TMEM45A: variants seen among roughly 807,000 people sequenced by gnomAD.
TMEM45A encodes the protein transmembrane protein 45A.
TMEM45A carries 25 observed loss-of-function variants against 32.0 expected under a neutral mutation model. That is an observed-to-expected ratio of 0.78 (90% CI 0.57 to 1.09). TMEM45A has a LOEUF of 1.09. TMEM45A is among the 50% of genes least tolerant of loss of function. The pLI, the probability that TMEM45A is intolerant of heterozygous loss-of-function variation, is 0.00. For missense variants in TMEM45A, 302 were observed against 325.0 expected, an observed-to-expected ratio of 0.93 and a Z score of 0.54; for synonymous variants, 122 against 114.8, an observed-to-expected ratio of 1.06 and a Z score of -0.40.
At chr3:100,560,696 A>G (rs1055603023) in intron 4 of TMEM45A, among the ~76,000 whole-genome samples, 96 of 152,314 alleles carry the variant, frequency 6.3e-4, no homozygotes, top group African/African-American at 2.3e-3. Flanking sequence ...TATATTTACT[A>G]GATCAAGTTT....
intron 4 of TMEM45A, among the ~76,000 whole-genome samples, chr3:100,561,176 A>G (rs1018977202): frequency 6.6e-6 from 1 of 152,192 alleles, no homozygotes; most frequent in Non-Finnish European, 1.5e-5. Context: ...CTGAAACAAA[A>G]CTGTCTAGAA....
intron 5 of TMEM45A, 33 bp from the exon 6 acceptor site, chr3:100,576,892 C>T (rs1426799844): frequency 2.7e-6 from 4 of 1,507,160 alleles, no homozygotes; most frequent in Admixed American, 3.4e-5. Context: ...TTTTAAAAAC[C>T]GTCTAACTTG....
At chr3:100,567,684 T>C (rs1466158661) in intron 4 of TMEM45A, among the ~76,000 whole-genome samples, 2 of 152,198 alleles carry the variant, frequency 1.3e-5, no homozygotes, top group Non-Finnish European at 2.9e-5. Flanking sequence ...TTCAACAATG[T>C]TATGCAGATT....
At chr3:100,543,676 G>A (rs779662461) in intron 1 of TMEM45A, among the ~76,000 whole-genome samples, 2 of 151,910 alleles carry the variant, frequency 1.3e-5, no homozygotes, top group African/African-American at 2.4e-5. Flanking sequence ...TTACCCTTGG[G>A]GGAGCAGTTT....
intron 1 of TMEM45A, among the ~76,000 whole-genome samples, chr3:100,544,407 G>C (rs777758657): frequency 2.0e-5 from 3 of 152,080 alleles, no homozygotes; most frequent in Non-Finnish European, 2.9e-5. Flanking sequence ...CATCTTTTAA[G>C]AGTATAATTT....
At chr3:100,573,214 T>C (rs1358446324) in intron 5 of TMEM45A, 1 of 151,370 alleles carries the variant, frequency 6.6e-6, no homozygotes, top group Non-Finnish European at 1.5e-5. Flanking sequence ...TTCACGATAT[T>C]GATTCTTCCT....
intron 1 of TMEM45A, among the ~76,000 whole-genome samples, chr3:100,520,770 C>G (rs1023664749): frequency 1.3e-5 from 2 of 152,164 alleles, no homozygotes; most frequent in Non-Finnish European, 2.9e-5. Context: ...TCACCATTTC[C>G]TGACCCAACA....
chr3:100,551,793 C>G (rs1229569070), intron 1 of TMEM45A, among the ~76,000 whole-genome samples: 2 of 152,162 alleles, frequency 1.3e-5, no homozygotes, highest in Non-Finnish European at 2.9e-5. Context: ...AGATTGGAAC[C>G]ATCAGATTGT....
chr3:100,516,335 G>C (rs1416147864), intron 1 of TMEM45A, among the ~76,000 whole-genome samples: 1 of 152,164 alleles, frequency 6.6e-6, no homozygotes, highest in Non-Finnish European at 1.5e-5. Flanking sequence ...TTTACTTTTG[G>C]CTTCATACAT....
intron 1 of TMEM45A, among the ~76,000 whole-genome samples, chr3:100,538,235 A>G (rs1314699048): frequency 6.6e-6 from 1 of 152,242 alleles, no homozygotes; most frequent in African/African-American, 2.4e-5. Flanking sequence ...TCTTTGCTCA[A>G]AAATATTCTA....
intron 2 of TMEM45A, among the ~76,000 whole-genome samples, chr3:100,556,304 A>G (rs1234110983): frequency 1.3e-5 from 2 of 152,228 alleles, no homozygotes; most frequent in Non-Finnish European, 1.5e-5. Flanking sequence ...CTCAGTTATC[A>G]TAATTGGAGA....
At chr3:100,497,561 ACC>A (rs1707946980) in intron 1 of TMEM45A, among the ~76,000 whole-genome samples, 1 of 152,034 alleles carries the variant, frequency 6.6e-6, no homozygotes, top group East Asian at 1.9e-4. Flanking sequence ...AAATCCCTGT[ACC>A]CCTTACTTTG....
At chr3:100,560,685 A>G (rs1410032437) in intron 4 of TMEM45A, among the ~76,000 whole-genome samples, 1 of 152,212 alleles carries the variant, frequency 6.6e-6, no homozygotes, top group African/African-American at 2.4e-5. Context: ...AGGAGTCCTC[A>G]TATATTTACT....
intron 5 of TMEM45A, chr3:100,571,442 C>T (rs1343465784): frequency 6.6e-6 from 1 of 151,844 alleles, no homozygotes; most frequent in South Asian, 2.1e-4. Context: ...TAATTAAATG[C>T]ACCCTAATGA....
chr3:100,572,613 C>T (rs1706589284), intron 5 of TMEM45A: 1 of 152,030 alleles, frequency 6.6e-6, no homozygotes, highest in Non-Finnish European at 1.5e-5. Context: ...AATTAGATCC[C>T]ATTTGTCAAT....
At chr3:100,537,846 TGAC>T (rs1305373946) in intron 1 of TMEM45A, among the ~76,000 whole-genome samples, 1 of 97,658 alleles carries the variant, frequency 1.0e-5, no homozygotes, top group Admixed American at 9.7e-5. Context: ...CACTGCATTT[TGAC>T]TGTACATTGT....
chr3:100,555,958 C>A (rs779773236), intron 2 of TMEM45A, among the ~76,000 whole-genome samples: 1 of 152,120 alleles, frequency 6.6e-6, no homozygotes, highest in East Asian at 1.9e-4. Context: ...CAGACTAGAT[C>A]GTCTGCTGTA....
At chr3:100,501,300 C>T (rs911686652) in intron 1 of TMEM45A, among the ~76,000 whole-genome samples, 8 of 152,158 alleles carry the variant, frequency 5.3e-5, no homozygotes, top group Non-Finnish European at 4.4e-5. Context: ...TTAAAAAATA[C>T]ACCCATGCTT....
At chr3:100,561,952 C>G (rs1576291667) in intron 4 of TMEM45A, among the ~76,000 whole-genome samples, 1 of 152,192 alleles carries the variant, frequency 6.6e-6, no homozygotes, top group East Asian at 1.9e-4. Context: ...AAAGGCCCAA[C>G]TAAGCAGTAA....
Sources: allele counts gnomAD v4.1 joint callset (sites outside exome capture counted in the v4.1 genomes callset), GRCh38; gene constraint gnomAD v4.1.1; transcripts MANE v1.5; gene names NCBI Gene and HGNC (gene_info 2026-07-23, HGNC 2026-07-21).